CD2AP: variants seen among roughly 807,000 people sequenced by gnomAD.
CD2AP encodes CD2-associated protein.
CD2AP carries 46 observed loss-of-function variants against 85.1 expected under a neutral mutation model. The ratio of observed to expected loss-of-function variants is 0.54; its 90% CI spans 0.43 to 0.69. CD2AP has a LOEUF of 0.69. Ranked by LOEUF, CD2AP falls within the 30% of genes least tolerant of loss-of-function variation. The pLI, the probability that CD2AP is intolerant of heterozygous loss-of-function variation, is 0.00. For synonymous variants in CD2AP, 255 were observed against 252.9 expected, an observed-to-expected ratio of 1.01 and a Z score of -0.08; for missense variants, 769 against 729.5, an observed-to-expected ratio of 1.05 and a Z score of -0.62.
At chr6:47,529,366 G>T (rs545583143) in intron 2 of CD2AP, among the ~76,000 whole-genome samples, 1 of 152,186 alleles carries the variant, frequency 6.6e-6, no homozygotes, top group South Asian at 2.1e-4. Context: ...TTTTCTCTGG[G>T]TACTCCAGTT....
rs1769872353 is a variant in CD2AP, at chr6:47,624,972, G to A, written c.*745G>A. ...GAACTTAGTTAAAATATGTTGGATT[G>A]TTAAACATTTGGGGAAATATGAACT... On this transcript the variant is annotated 3_prime_UTR_variant, in exon 18 of 18. Transcript: ENST00000359314. The A allele has an allele frequency of 6.6e-6, 1 of 151,874 alleles. No individual in the cohort carries two copies. The highest frequency in any genetic ancestry group is 1.5e-5 in the Non-Finnish European group (1 of 67,824). The allele number at this position is 151,874 out of a possible 1,614,324, so 9.4% of individuals were successfully genotyped here. A position where few individuals can be genotyped will look rare whatever the true frequency, so the allele number is the denominator to read the frequency against.
At position 47,595,495 on chromosome 6, in the gene CD2AP, C is replaced by A. The variant is rs6904006; in HGVS notation, c.1109-366C>A. ...CTATATTTCAGTTTCAGAAAATAGT[C>A]TGGATTTAAGTCTAGATAATTTTCT... is the stretch of plus-strand genomic sequence containing the variant. On this transcript the variant is annotated intron_variant, in intron 11 of 17. Transcript: ENST00000359314. Among the ~76,000 whole-genome samples the A allele has an allele frequency of 4.5e-3, 676 of 151,744 alleles. 5 individuals are homozygous for A. Among genetic ancestry groups the A allele is most frequent in the African/African-American group, 0.015 (636 of 41,420 alleles).
At chr6:47,499,815 G>A (rs990385759) in intron 1 of CD2AP, among the ~76,000 whole-genome samples, 5 of 152,172 alleles carry the variant, frequency 3.3e-5, no homozygotes, top group East Asian at 3.9e-4. Context: ...TGCAACTTTC[G>A]CCTCCCGGGT....
chr6:47,487,525 C>G (rs1405727200), intron 1 of CD2AP, among the ~76,000 whole-genome samples: 1 of 152,112 alleles, frequency 6.6e-6, no homozygotes, highest in Non-Finnish European at 1.5e-5. Flanking sequence ...CCCGTCTCTA[C>G]TAAAAATACA....
intron 14 of CD2AP, 139 bp downstream of exon 14, chr6:47,606,416 T>TA: frequency 1.5e-6 from 1 of 680,278 alleles, no homozygotes; most frequent in South Asian, 1.6e-5. Flanking sequence ...TGCTGGTATT[T>TA]AAGGAGATAG....
chr6:47,565,696 C>T (rs901037503), intron 5 of CD2AP, among the ~76,000 whole-genome samples: 2 of 152,154 alleles, frequency 1.3e-5, no homozygotes, highest in Non-Finnish European at 2.9e-5. Flanking sequence ...TCGCACCCTA[C>T]CATGATTCAT....
intron 2 of CD2AP, among the ~76,000 whole-genome samples, chr6:47,511,450 C>T (rs974080165): frequency 1.3e-5 from 2 of 152,062 alleles, no homozygotes; most frequent in African/African-American, 4.8e-5. Context: ...GATTCTGGAA[C>T]AGAAAAAGGA....
chr6:47,610,100 T>C (rs1320456282), intron 16 of CD2AP, among the ~76,000 whole-genome samples: 1 of 152,148 alleles, frequency 6.6e-6, no homozygotes, highest in Non-Finnish European at 1.5e-5. Context: ...AGTTAGGGAC[T>C]TTTTAGAGCT....
chr6:47,547,231 G>A (rs527377228), intron 4 of CD2AP, among the ~76,000 whole-genome samples: 4 of 152,252 alleles, frequency 2.6e-5, no homozygotes, highest in South Asian at 2.1e-4. Context: ...TGGCCTAAAT[G>A]CTCCATTTGA....
intron 2 of CD2AP, among the ~76,000 whole-genome samples, chr6:47,528,114 T>C (rs1182077697): frequency 1.3e-5 from 2 of 152,202 alleles, no homozygotes; most frequent in African/African-American, 4.8e-5. Flanking sequence ...TTTTATCAGA[T>C]GCATGTACTG....
At chr6:47,483,728 G>T (rs1245220184) in intron 1 of CD2AP, among the ~76,000 whole-genome samples, 1 of 151,772 alleles carries the variant, frequency 6.6e-6, no homozygotes. Flanking sequence ...AGTGCTGCAG[G>T]ATATTCCCTG....
chr6:47,556,785 A>G (rs576200803), intron 5 of CD2AP, among the ~76,000 whole-genome samples: 5 of 152,154 alleles, frequency 3.3e-5, no homozygotes, highest in South Asian at 2.1e-4. Context: ...CATTAAACAT[A>G]TGTGTGTGTG....
intron 1 of CD2AP, among the ~76,000 whole-genome samples, chr6:47,487,969 C>G (rs1044847239): frequency 6.7e-6 from 1 of 149,834 alleles, no homozygotes; most frequent in African/African-American, 2.5e-5. Flanking sequence ...CCACCTAAAA[C>G]AGACTAATAG....
At chr6:47,541,479 A>G (rs1195776854) in intron 3 of CD2AP, among the ~76,000 whole-genome samples, 2 of 152,148 alleles carry the variant, frequency 1.3e-5, no homozygotes, top group Admixed American at 1.3e-4. Context: ...AATCAGATAC[A>G]AATTATTAAT....
At chr6:47,609,451 A>T in intron 16 of CD2AP, 147 bp downstream of exon 16, 2 of 524,648 alleles carry the variant, frequency 3.8e-6, no homozygotes, top group East Asian at 3.8e-5. Flanking sequence ...CCAAGTTTGG[A>T]GGATTGCTTG....
At chr6:47,559,434 A>AT (rs897252197) in intron 5 of CD2AP, among the ~76,000 whole-genome samples, 15 of 150,098 alleles carry the variant, frequency 1.0e-4, no homozygotes, top group South Asian at 6.4e-4. Flanking sequence ...AATTAAAAAC[A>AT]TTTTTTTTTA....
intron 2 of CD2AP, among the ~76,000 whole-genome samples, chr6:47,527,769 A>T (rs1435320338): frequency 6.6e-6 from 1 of 152,186 alleles, no homozygotes; most frequent in East Asian, 1.9e-4. Flanking sequence ...AGTACTAGAT[A>T]CTGCTTGTGC....
chr6:47,559,727 G>T (rs1471922365), intron 5 of CD2AP, among the ~76,000 whole-genome samples: 4 of 151,988 alleles, frequency 2.6e-5, no homozygotes, highest in South Asian at 4.1e-4. Flanking sequence ...TGACACTTTT[G>T]TCTTCATCCA....
intron 3 of CD2AP, among the ~76,000 whole-genome samples, chr6:47,544,313 T>TG (rs1767310181): frequency 6.6e-6 from 1 of 152,174 alleles, no homozygotes; most frequent in Non-Finnish European, 1.5e-5. Flanking sequence ...GTGTCTTTTA[T>TG]TGTCGGTTTT....
Sources: gnomAD v4.1 joint callset for allele counts (sites outside exome capture counted in the v4.1 genomes callset) on GRCh38, gnomAD v4.1.1 for gene constraint, MANE v1.5 for transcripts, NCBI Gene and HGNC (gene_info 2026-07-23, HGNC 2026-07-21) for gene names.